SNRNP25: variants seen among roughly 807,000 people sequenced by gnomAD.
SNRNP25 encodes the protein U11/U12 small nuclear ribonucleoprotein 25 kDa protein.
Under a neutral mutation model 23.9 loss-of-function variants are expected in SNRNP25, and 21 were observed. The ratio of observed to expected loss-of-function variants is 0.88; its 90% CI spans 0.62 to 1.27. SNRNP25 has a LOEUF of 1.27. Among genes scored for constraint, SNRNP25 ranks in the 50% most tolerant of loss-of-function variants. SNRNP25 has a pLI of 0.00. For missense variants in SNRNP25, 160 were observed against 156.9 expected (o/e 1.02, Z -0.11); for synonymous variants, 63 against 60.4 (o/e 1.04, Z -0.20).
intron 4 of SNRNP25, 146 bp from the exon 5 acceptor site, chr16:56,940 A>G: frequency 1.4e-6 from 1 of 731,680 alleles, no homozygotes. Context: ...GGTCTGTGAG[A>G]GGATGGCCAC....
chr16:57,208 C>T lies in SNRNP25; in HGVS notation c.*65C>T. The T allele has an allele frequency of 3.3e-6, 5 of 1,524,168 alleles. No homozygotes were observed. Among genetic ancestry groups the T allele is most frequent in the Non-Finnish European group, 4.5e-6 (5 of 1,099,222 alleles). The allele number at this position is 1,524,168 out of a possible 1,614,324, so 94.4% of individuals were successfully genotyped here. A position where few individuals can be genotyped will look rare whatever the true frequency, so the allele number is the denominator to read the frequency against. ...AGCTTTTTCCCAGCAGGAATGGGTC[C>T]TCGAATCATCGTGCCTCTTTCACAG... is the stretch of plus-strand genomic sequence containing the variant. On this transcript the variant is annotated 3_prime_UTR_variant, in exon 5 of 5. Transcript: ENST00000293861.
In SNRNP25 at chr16:55,549, C is replaced by T. The variant is rs762660007; in HGVS notation, c.133C>T (p.Pro45Ser). The change falls in exon 2 of 5, where the codon CCC becomes TCC. Residue 45 changes from proline (P) to serine (S), a missense_variant and splice_region_variant. Physicochemically the swap from Pro to Ser is moderately conservative, Grantham distance 74 (BLOSUM62 -1). Coordinates refer to ENST00000293861, the MANE Select transcript of SNRNP25 (RefSeq NM_024571.4). ...GTGCAAGATGGATGGAGAAGTAATG[C>T]GTAAGTGCTACCCTCCTCCCTTCAG... ...RVCKMDGEVM[P>S]VVVVQSATVL... The T allele has an allele frequency of 3.1e-6, 5 of 1,613,948 alleles. No homozygotes were observed. Among genetic ancestry groups the T allele is most frequent in the Middle Eastern group, 1.7e-4 (1 of 6,050 alleles).
At chr16:54,125 A>G in intron 1 of SNRNP25, 67 bp downstream of exon 1, 1 of 1,523,596 alleles carries the variant, frequency 6.6e-7, no homozygotes, top group Non-Finnish European at 8.8e-7. Context: ...GGGCGCCGGC[A>G]GCCTCCGAAG....
At position 56,314 on chromosome 16, in the gene SNRNP25, G is replaced by A. The variant is rs1447960119; in HGVS notation, c.240-225G>A. 1.7e-5 allele frequency: 12 copies of A among 711,404 alleles called. 1 individual carries two copies. The highest frequency in any genetic ancestry group is 4.6e-4 in the Middle Eastern group (2 of 4,366). 44.1% of individuals were successfully genotyped at this position (711,404 alleles called of 1,614,324 possible). On this transcript the variant is annotated intron_variant, in intron 3 of 4. Transcript: ENST00000293861. ...CTGAGTCTCAACACTGTCGCCTGTT[G>A]CATTAGCAAGGTTTGTTTGGCCAAG...
intron 3 of SNRNP25, 119 bp downstream of exon 3, chr16:56,001 A>AAGTGATGAGCTCCCTGTCACAAG: frequency 2.3e-6 from 2 of 880,160 alleles, no homozygotes; most frequent in Non-Finnish European, 1.8e-6. Flanking sequence ...AGCACCACTG[A>AAGTGATGAGCTCCCTGTCACAAG]AGTGATGAGC....
chr16:55,677 C>A, intron 2 of SNRNP25, 100 bp from the exon 3 acceptor site: 2 of 1,534,668 alleles, frequency 1.3e-6, no homozygotes, highest in South Asian at 2.3e-5. Flanking sequence ...AACCACAAAC[C>A]TGCCCTGTGC....
rs1405645403 is a variant in SNRNP25, at chr16:57,383, C to T, written c.*240C>T. ...CTGACCTCTCCCTAGGTCCAAATGC[C>T]CTAGTCACATGGCAGACCCACGGCC... is the stretch of plus-strand genomic sequence containing the variant. On this transcript the variant is annotated 3_prime_UTR_variant, in exon 5 of 5. Transcript: ENST00000293861. 1.7e-6 allele frequency: 1 copy of T among 573,622 alleles called. No homozygotes were observed. Among genetic ancestry groups the T allele is most frequent in the Non-Finnish European group, 3.1e-6 (1 of 320,522 alleles). 35.5% of individuals were successfully genotyped at this position (573,622 alleles called of 1,614,324 possible).
In SNRNP25 at chr16:57,580, A is replaced by G. The variant is rs1228059729; in HGVS notation, c.*437A>G. The G allele has an allele frequency of 5.3e-6, 1 of 188,286 alleles. No homozygotes were observed. The highest frequency in any genetic ancestry group is 1.3e-4 in the East Asian group (1 of 7,840). 11.7% of individuals were successfully genotyped at this position (188,286 alleles called of 1,614,324 possible). A position where few individuals can be genotyped will look rare whatever the true frequency, so the allele number is the denominator to read the frequency against. On this transcript the variant is annotated 3_prime_UTR_variant, in exon 5 of 5. Coordinates refer to ENST00000293861, the MANE Select transcript of SNRNP25 (RefSeq NM_024571.4). ...ATGGCGCCACACCACCAAAGCCTTG[A>G]GGCCACACCACTCCCCAAACCACAC...
At chr16:54,087 G>C (rs1201417501) in intron 1 of SNRNP25, 29 bp downstream of exon 1, 1 of 1,584,100 alleles carries the variant, frequency 6.3e-7, no homozygotes, top group Non-Finnish European at 8.5e-7. Context: ...TGGGGGCGCG[G>C]GAGTCGTTCC....
chr16:55,174 C>G, intron 1 of SNRNP25: 1 of 395,346 alleles, frequency 2.5e-6, no homozygotes, highest in Admixed American at 4.0e-5. Flanking sequence ...ACTGACAGGC[C>G]TCTACCCACC....
intron 1 of SNRNP25, 49 bp downstream of exon 1, chr16:54,107 G>T: frequency 6.4e-7 from 1 of 1,558,724 alleles, no homozygotes; most frequent in South Asian, 1.2e-5. Flanking sequence ...CCCGGGGTCC[G>T]GGCATCCGGG....
chr16:55,727 G>T (rs189294144), intron 2 of SNRNP25, 50 bp from the exon 3 acceptor site: 38 of 1,602,536 alleles, frequency 2.4e-5, no homozygotes, highest in Non-Finnish European at 3.0e-5. Flanking sequence ...GGAGGCTGTG[G>T]CTTTGGGTTC....
chr16:55,355 T>C, intron 1 of SNRNP25, 104 bp from the exon 2 acceptor site: 1 of 1,006,534 alleles, frequency 9.9e-7, no homozygotes. Flanking sequence ...TTGCCCTTCG[T>C]AAAATGGAGC....
In SNRNP25 at chr16:56,589, C is replaced by A; in HGVS notation, c.290C>A (p.Thr97Lys). ...CTGACCTCTGCAGGAGAGAAACTCA[C>A]GGAAGACAGAAAGAAGCTCCGAGAG... is the stretch of plus-strand genomic sequence containing the variant. ...YHLTSAGEKL[T>K]EDRKKLRDYG... Residue 97 changes from threonine (T) to lysine (K), a missense_variant, in exon 4 of 5, where the codon ACG becomes AAG. By Grantham distance (78) the Thr-to-Lys change is moderately conservative (BLOSUM62 -1). Coordinates refer to ENST00000293861, the MANE Select transcript of SNRNP25 (RefSeq NM_024571.4). 1 of 1,614,030 alleles carries A rather than the reference C, an allele frequency of 6.2e-7. No individual in the cohort carries two copies. Among genetic ancestry groups the A allele is most frequent in the East Asian group, 2.2e-5 (1 of 44,892 alleles).
intron 4 of SNRNP25, 37 bp from the exon 5 acceptor site, chr16:57,049 G>A (rs552076851): frequency 6.2e-7 from 1 of 1,612,480 alleles, no homozygotes; most frequent in South Asian, 1.1e-5. Context: ...ATGTCCTTCT[G>A]TAGGGCAGGT....
At position 56,540 on chromosome 16, in the gene SNRNP25, T is replaced by G; in HGVS notation, c.241T>G (p.Ser81Ala). The change falls in exon 4 of 5, where the codon TCC (serine) becomes GCC (alanine). Residue 81 changes from serine (S) to alanine (A), a missense_variant and splice_region_variant. Physicochemically the swap from Ser to Ala is moderately conservative, Grantham distance 99. Transcript: ENST00000293861. The part of the protein sequence containing the change: ...REGGIQHISW[S>A]YVWRTYHLTS... Reference sequence around the variant, plus strand: ...TTTACCTGCATTCCCCTCTTGCAGGTCCTACGTGTGGAGGACGTACCATCT... The same window carrying G: ...TTTACCTGCATTCCCCTCTTGCAGGGCCTACGTGTGGAGGACGTACCATCT... 1.2e-6 allele frequency: 2 copies of G among 1,613,944 alleles called. No homozygotes were observed. The highest frequency in any genetic ancestry group is 1.7e-6 in the Non-Finnish European group (2 of 1,180,010).
rs1335468621 is a variant in SNRNP25 at position 56,618 on chromosome 16, G to C, written c.314+5G>C. On this transcript the variant is annotated splice_donor_5th_base_variant and intron_variant, in intron 4 of 4. Transcript: ENST00000293861. Reference sequence around the variant, plus strand: ...AGACAGAAAGAAGCTCCGAGAGTAAGTGCCGGCCACGTCCTGAGCCGTAGG... The same window carrying C: ...AGACAGAAAGAAGCTCCGAGAGTAACTGCCGGCCACGTCCTGAGCCGTAGG... The C allele has an allele frequency of 6.2e-7, 1 of 1,613,730 alleles. No individual in the cohort carries two copies. Among genetic ancestry groups the C allele is most frequent in the African/African-American group, 1.3e-5 (1 of 74,938 alleles).
At chr16:55,172 G>T (rs1897390580) in intron 1 of SNRNP25, 1 of 391,794 alleles carries the variant, frequency 2.6e-6, no homozygotes, top group South Asian at 2.3e-5. Context: ...GAACTGACAG[G>T]CCTCTACCCA....
chr16:55,354 G>T, intron 1 of SNRNP25, 105 bp from the exon 2 acceptor site: 1 of 986,942 alleles, frequency 1.0e-6, no homozygotes, highest in Non-Finnish European at 1.6e-6. Context: ...CTTGCCCTTC[G>T]TAAAATGGAG....
Sources: allele counts gnomAD v4.1 joint callset, GRCh38; gene constraint gnomAD v4.1.1; transcripts MANE v1.5; gene names NCBI Gene and HGNC (gene_info 2026-07-23, HGNC 2026-07-21).